Variants in TNKS observed in about 807,000 individuals in gnomAD.
The protein encoded by TNKS is poly [ADP-ribose] polymerase tankyrase-1.
A neutral mutation model predicts 135.8 loss-of-function variants in TNKS; 72 were observed. The observed-to-expected ratio is 0.53, with a 90% CI of 0.44 to 0.64. The LOEUF is 0.64. TNKS is among the 30% of genes least tolerant of loss of function. The pLI is 0.00. For missense variants in TNKS, 1,769 were observed against 1,674.0 expected (o/e 1.06, Z -0.99); for synonymous variants, 849 against 649.3 (o/e 1.31, Z -4.68).
intron 5 of TNKS, among the ~76,000 whole-genome samples, chr8:9,697,895 A>G (rs1803592782): frequency 6.6e-6 from 1 of 152,212 alleles, no homozygotes; most frequent in Admixed American, 6.5e-5. Context: ...CAATCCCATT[A>G]CTAGATCTAT....
At chr8:9,667,814 TC>T (rs1802069442) in intron 3 of TNKS, among the ~76,000 whole-genome samples, 1 of 149,944 alleles carries the variant, frequency 6.7e-6, no homozygotes, top group Non-Finnish European at 1.5e-5. Context: ...CTGATTAATA[TC>T]CTTTCTCATT....
intron 3 of TNKS, among the ~76,000 whole-genome samples, chr8:9,647,195 C>T (rs558069773): frequency 4.3e-4 from 65 of 152,300 alleles, no homozygotes; most frequent in Non-Finnish European, 7.2e-4. Context: ...CACACTTCTA[C>T]CCTCAGTCTA....
intron 2 of TNKS, among the ~76,000 whole-genome samples, chr8:9,614,049 T>A (rs556067372): frequency 6.6e-6 from 1 of 152,354 alleles, no homozygotes; most frequent in African/African-American, 2.4e-5. Context: ...ACTCAGCAAC[T>A]AAATAAAGTT....
intron 1 of TNKS, among the ~76,000 whole-genome samples, chr8:9,576,683 C>A (rs1398526005): frequency 6.6e-6 from 1 of 151,930 alleles, no homozygotes; most frequent in Non-Finnish European, 1.5e-5. Context: ...CCCACCAGGC[C>A]CCTCCTTCAA....
intron 3 of TNKS, among the ~76,000 whole-genome samples, chr8:9,624,279 A>G (rs909268862): frequency 6.6e-6 from 1 of 152,228 alleles, no homozygotes; most frequent in Non-Finnish European, 1.5e-5. Context: ...CTACAACCAA[A>G]TTGGTATTTT....
At chr8:9,616,627 A>G (rs1799655444) in intron 3 of TNKS, among the ~76,000 whole-genome samples, 1 of 152,234 alleles carries the variant, frequency 6.6e-6, no homozygotes, top group African/African-American at 2.4e-5. Context: ...TTATGTACAG[A>G]AAGCTTTGAA....
intron 5 of TNKS, among the ~76,000 whole-genome samples, chr8:9,691,195 G>C (rs1255910715): frequency 6.6e-6 from 1 of 152,208 alleles, no homozygotes; most frequent in Non-Finnish European, 1.5e-5. Flanking sequence ...CTGTCTGTTA[G>C]AGATATCTAG....
At chr8:9,590,944 G>A (rs749601751) in intron 2 of TNKS, among the ~76,000 whole-genome samples, 20 of 152,108 alleles carry the variant, frequency 1.3e-4, no homozygotes, top group Admixed American at 2.6e-4. Context: ...TTCTGCTTTC[G>A]TTGCTTGTGC....
chr8:9,659,028 GAACT>G (rs984788332), intron 3 of TNKS, among the ~76,000 whole-genome samples: 8 of 152,190 alleles, frequency 5.3e-5, no homozygotes, highest in African/African-American at 7.2e-5. Flanking sequence ...TCCACAAGAA[GAACT>G]AACTATCATA....
chr8:9,693,047 A>G (rs1299703520), intron 5 of TNKS, among the ~76,000 whole-genome samples: 1 of 152,210 alleles, frequency 6.6e-6, no homozygotes, highest in Non-Finnish European at 1.5e-5. Context: ...TAATAAAGCT[A>G]ATTATGTGTT....
At chr8:9,562,928 G>C (rs975423108) in intron 1 of TNKS, among the ~76,000 whole-genome samples, 1 of 151,526 alleles carries the variant, frequency 6.6e-6, no homozygotes, top group African/African-American at 2.4e-5. Flanking sequence ...ATTTTCTCAG[G>C]TATGTGGTAT....
chr8:9,653,610 C>T (rs1445127864), intron 3 of TNKS, among the ~76,000 whole-genome samples: 1 of 152,020 alleles, frequency 6.6e-6, no homozygotes, highest in African/African-American at 2.4e-5. Context: ...AATTCAGTCC[C>T]ATGAGGGAGA....
At chr8:9,754,695 C>T (rs112504022) in intron 20 of TNKS, among the ~76,000 whole-genome samples, 1 of 152,098 alleles carries the variant, frequency 6.6e-6, no homozygotes. Context: ...ACCTGTAAAA[C>T]CTAATGCTTA....
intron 3 of TNKS, among the ~76,000 whole-genome samples, chr8:9,626,454 A>G (rs868034415): frequency 3.3e-5 from 5 of 152,214 alleles, no homozygotes; most frequent in African/African-American, 1.2e-4. Context: ...TTTAGCTACT[A>G]AGTTTATGAT....
chr8:9,627,719 G>A (rs1042170463), intron 3 of TNKS, among the ~76,000 whole-genome samples: 3 of 152,088 alleles, frequency 2.0e-5, no homozygotes, highest in African/African-American at 2.4e-5. Context: ...TTTTGTTGCC[G>A]TAATCAAGAA....
chr8:9,634,291 G>A (rs1010737403), intron 3 of TNKS, among the ~76,000 whole-genome samples: 10 of 151,980 alleles, frequency 6.6e-5, no homozygotes, highest in Non-Finnish European at 4.4e-5. Context: ...TTAAATTGAA[G>A]ATGGGGGAAA....
At position 9,734,907 on chromosome 8, in the gene TNKS, C is replaced by A; in HGVS notation, c.2356C>A (p.Pro786Thr). Reference sequence around the variant, plus strand: ...TAAAAAGAACAGAGATGGAAATACACCTTTGGATTTGGTAAAGGAAGGAGA... The same window carrying A: ...TAAAAAGAACAGAGATGGAAATACAACTTTGGATTTGGTAAAGGAAGGAGA... ...PTKKNRDGNT[P>T]LDLVKEGDTD... The change falls in exon 16 of 27, where the codon CCT becomes ACT. Residue 786 changes from proline to threonine, a missense_variant. Around this residue, in one of 5 missense-constraint regions of TNKS, gnomAD observed 722 missense variants for 688.9 expected, o/e 1.05. Coordinates refer to ENST00000310430, the MANE Select transcript of TNKS (RefSeq NM_003747.3). The A allele has an allele frequency of 6.2e-7, 1 of 1,614,100 alleles. No homozygotes were observed. The highest frequency in any genetic ancestry group is 8.5e-7 in the Non-Finnish European group (1 of 1,180,016).
Position 9,556,010 on chromosome 8 carries a change from C to G in TNKS, c.71C>G (p.Ala24Gly). Residue 24 changes from alanine to glycine, a missense_variant, in exon 1 of 27, where the codon GCT becomes GGT. This residue lies in a region of TNKS where 450 missense variants were observed against 304.9 expected (regional missense o/e 1.48). Transcript: ENST00000310430. ...CAACAGCTCCAGCCCGCCCCAGGGG[C>G]TTCAGCGCCGCCGCCGCCACCTCCT... ...HQQQLQPAPG[A>G]SAPPPPPPPP... 6.2e-7 allele frequency: 1 copy of G among 1,613,088 alleles called. No individual in the cohort carries two copies. The highest frequency in any genetic ancestry group is 1.1e-5 in the South Asian group (1 of 91,042).
At chr8:9,573,783 T>G (rs1044924967) in intron 1 of TNKS, among the ~76,000 whole-genome samples, 4 of 152,180 alleles carry the variant, frequency 2.6e-5, no homozygotes, top group Admixed American at 6.5e-5. Flanking sequence ...ACAGTCTAAT[T>G]AGGGGGAAAA....
Sources: gnomAD v4.1 joint callset for allele counts (sites outside exome capture counted in the v4.1 genomes callset) on GRCh38, gnomAD v4.1.1 for gene constraint, gnomAD v4.1.1 regional missense constraint, MANE v1.5 for transcripts, NCBI Gene and HGNC (gene_info 2026-07-23, HGNC 2026-07-21) for gene names.